Variants in PYGM observed in about 807,000 individuals in gnomAD.
PYGM encodes the protein glycogen phosphorylase, muscle form.
In PYGM, 81 loss-of-function variants were observed where a neutral mutation model predicts 99.3. The ratio of observed to expected loss-of-function variants is 0.82; its 90% CI spans 0.68 to 0.98. PYGM has a LOEUF of 0.98. Ranked by LOEUF, PYGM falls within the 50% of genes least tolerant of loss-of-function variation. The probability of loss-of-function intolerance (pLI) is 0.00; values close to 1 mark genes in which losing one functional copy is unlikely to be tolerated. For synonymous variants in PYGM, 436 were observed against 451.5 expected (o/e 0.97, Z 0.44); for missense variants, 1,030 against 1,158.1 (o/e 0.89, Z 1.61).
rs768705275 is a variant in PYGM at position 64,751,566 on chromosome 11, G to A, written c.1827+31C>T. On this transcript the variant is annotated intron_variant, in intron 15 of 19. Transcript: ENST00000164139. Reference sequence around the variant, plus strand: ...CCTCAACCTGGATATATCAAAGGACGGGAGCCCAGGGCTGGAGCCTGGCTT... The same window carrying A: ...CCTCAACCTGGATATATCAAAGGACAGGAGCCCAGGGCTGGAGCCTGGCTT... 4.4e-5 allele frequency: 71 copies of A among 1,613,886 alleles called. 2 individuals are homozygous for A. In the Middle Eastern group the frequency reaches 4.9e-4, roughly 11 times the overall value.
intron 17 of PYGM, chr11:64,748,425 C>T (rs550545): frequency 2.0e-5 from 3 of 152,178 alleles, no homozygotes; most frequent in Non-Finnish European, 4.4e-5. Context: ...TTAATGCCAA[C>T]TCTGGGAAGC....
At position 64,754,654 on chromosome 11, in the gene PYGM, A is replaced by G; in HGVS notation, c.999+39T>C. 4 of 1,610,060 alleles carry G rather than the reference A, an allele frequency of 2.5e-6. No individual in the cohort carries two copies. The highest frequency in any genetic ancestry group is 3.4e-6 in the Non-Finnish European group (4 of 1,178,764). On this transcript the variant is annotated intron_variant, in intron 8 of 19. Coordinates refer to ENST00000164139, the MANE Select transcript of PYGM (RefSeq NM_005609.4). This position sits in a 1 kb window ranked among gnomAD's most constrained non-coding sequence, Gnocchi z 5.5. The stretch of plus-strand genomic sequence containing the variant: ...GGCTGGAGGGAGAGGCCTAGCACAC[A>G]CTGTCCGGTCACAGAGTCGCCCTCC...
At position 64,755,161 on chromosome 11, in the gene PYGM, G is replaced by T; in HGVS notation, c.855+112C>A. The T allele has an allele frequency of 2.4e-6, 3 of 1,250,420 alleles. No homozygotes were observed. The highest frequency in any genetic ancestry group is 1.8e-5 in the Admixed American group (1 of 56,448). 77.5% of individuals were successfully genotyped at this position (1,250,420 alleles called of 1,614,324 possible). A position where few individuals can be genotyped will look rare whatever the true frequency, so the allele number is the denominator to read the frequency against. ...TGGGGGCACAGGATGCACAAGGCCA[G>T]CAATATGCCCTGGGTGTGACTAGGG... is the stretch of plus-strand genomic sequence containing the variant. On this transcript the variant is annotated intron_variant, in intron 7 of 19. Coordinates refer to ENST00000164139, the MANE Select transcript of PYGM (RefSeq NM_005609.4). The surrounding 1 kb of genome is among the most constrained non-coding windows in gnomAD (Gnocchi z 4.1).
At position 64,753,552 on chromosome 11, in the gene PYGM, G is replaced by A; in HGVS notation, c.1370C>T (p.Ala457Val). ...CTTGAGGATCTCGGAGTGGATGCGC[G>A]CCACGCCGTTGACGGCGTGCGACCC... ...IAGSHAVNGV[A>V]RIHSEILKKT... Residue 457 changes from alanine (A) to valine (V), a missense_variant, in exon 11 of 20, where the codon GCG (alanine) becomes GTG (valine). Coordinates refer to ENST00000164139, the MANE Select transcript of PYGM (RefSeq NM_005609.4). The A allele has an allele frequency of 1.3e-6, 2 of 1,598,710 alleles. No individual in the cohort carries two copies. The highest frequency in any genetic ancestry group is 1.7e-6 in the Non-Finnish European group (2 of 1,175,850).
At chr11:64,753,822 G>GC in intron 10 of PYGM, 57 bp downstream of exon 10, 1 of 1,548,162 alleles carries the variant, frequency 6.5e-7, no homozygotes, top group Admixed American at 2.0e-5. Context: ...CGACTCCCAG[G>GC]CCCAGACTGG....
rs1384897956 is a variant in PYGM, at chr11:64,751,670, G to C, written c.1769-15C>G. The C allele has an allele frequency of 1.9e-6, 3 of 1,613,828 alleles. No individual in the cohort carries two copies. In the African/African-American group the frequency reaches 4.0e-5, roughly 22 times the overall value. On this transcript the variant is annotated splice_polypyrimidine_tract_variant and intron_variant, in intron 14 of 19. Transcript: ENST00000164139. Reference sequence around the variant, plus strand: ...CCTCTTGATGCCTGTGGAGAAACGAGAGGGATCCAGTGGGCCTACCTTTCC... The same window carrying C: ...CCTCTTGATGCCTGTGGAGAAACGACAGGGATCCAGTGGGCCTACCTTTCC...
At position 64,754,252 on chromosome 11, in the gene PYGM, C is replaced by T. The variant is rs749560316; in HGVS notation, c.1092+1G>A. On this transcript the variant is annotated splice_donor_variant, in intron 9 of 19. Coordinates refer to ENST00000164139, the MANE Select transcript of PYGM (RefSeq NM_005609.4). LOFTEE classifies it high-confidence loss of function. This position sits in a 1 kb window ranked among gnomAD's most constrained non-coding sequence, Gnocchi z 5.5. ...TGGGGCAGAGGGGCCCTGAAGCCCA[C>T]CTTGTCCCAGTCCATCCGTTCCAGG... The T allele has an allele frequency of 4.3e-6, 7 of 1,612,212 alleles. No homozygotes were observed. The highest frequency in any genetic ancestry group is 5.9e-6 in the Non-Finnish European group (7 of 1,178,612).
chr11:64,750,373 TAC>T lies in PYGM; in HGVS notation c.2177+1_2177+2del. 1 of 1,613,904 alleles carries T rather than the reference TAC, an allele frequency of 6.2e-7. No homozygotes were observed. Among genetic ancestry groups the T allele is most frequent in the East Asian group, 2.2e-5 (1 of 44,858 alleles). ...TTTTGCCCGTGAACCCTGACCCCCA[TAC>T]CCTCTTTGGTCAAGCTTATCCACAT... On this transcript the variant is annotated splice_donor_variant, in intron 17 of 19. Coordinates refer to ENST00000164139, the MANE Select transcript of PYGM (RefSeq NM_005609.4). LOFTEE classifies it high-confidence loss of function.
rs1388586019 is a variant in PYGM at position 64,759,858 on chromosome 11, A to G, written c.41T>C (p.Ile14Thr). The change falls in exon 1 of 20, where the codon ATC becomes ACC. Residue 14 changes from isoleucine to threonine, a missense_variant. Ile to Thr is a moderately conservative substitution (Grantham distance 89). Transcript: ENST00000164139. ...CACGCCGGCCAGGCCACGCACACTG[A>G]TTTGCTTTCTTTTCTCTTGGTCTGA... Reference protein sequence around the residue: ...PLSDQEKRKQISVRGLAGVEN... With the variant: ...PLSDQEKRKQTSVRGLAGVEN... The G allele has an allele frequency of 2.5e-6, 4 of 1,614,000 alleles. No homozygotes were observed. Among genetic ancestry groups the G allele is most frequent in the Non-Finnish European group, 3.4e-6 (4 of 1,180,034 alleles).
At position 64,758,456 on chromosome 11, in the gene PYGM, C is replaced by G; in HGVS notation, c.405G>C (p.Gly135=). The G allele has an allele frequency of 6.2e-7, 1 of 1,614,044 alleles. No individual in the cohort carries two copies. Among genetic ancestry groups the G allele is most frequent in the Non-Finnish European group, 8.5e-7 (1 of 1,180,026 alleles). ...EIEEDAGLGN[G]GLGRLAACFL... ...TCTTACCTGCCAGCCGGCCCAGGCCCCCGTTGCCCAGCCCCGCATCCTCCT... is the reference window on the plus strand; with the variant it reads ...TCTTACCTGCCAGCCGGCCCAGGCCGCCGTTGCCCAGCCCCGCATCCTCCT... The change falls in exon 3 of 20, where the codon GGG becomes GGC. Residue 135 remains glycine (G), a synonymous_variant. Coordinates refer to ENST00000164139, the MANE Select transcript of PYGM (RefSeq NM_005609.4).
Position 64,746,627 on chromosome 11 carries a change from T to A in PYGM, c.*32A>T. On this transcript the variant is annotated 3_prime_UTR_variant, in exon 20 of 20. Coordinates refer to ENST00000164139, the MANE Select transcript of PYGM (RefSeq NM_005609.4). The stretch of plus-strand genomic sequence containing the variant: ...GCTGGCCCAAGAGAGTGTGACAGAC[T>A]CAAGGGCTGGTTTGGGGTCTGGTCT... 6.2e-7 allele frequency: 1 copy of A among 1,613,654 alleles called. No homozygotes were observed. Among genetic ancestry groups the A allele is most frequent in the Non-Finnish European group, 8.5e-7 (1 of 1,179,922 alleles).
intron 18 of PYGM, 70 bp from the exon 19 acceptor site, chr11:64,747,057 C>CA: frequency 6.3e-7 from 1 of 1,584,642 alleles, no homozygotes; most frequent in Non-Finnish European, 8.7e-7. Flanking sequence ...GGTCAAGGGC[C>CA]AAGCCTGCCC....
At chr11:64,752,731 G>A (rs968785507) in intron 12 of PYGM, among the ~76,000 whole-genome samples, 2 of 152,176 alleles carry the variant, frequency 1.3e-5, no homozygotes, top group African/African-American at 2.4e-5. Flanking sequence ...ACCCCAGCAG[G>A]CCTTCCTGGC....
intron 12 of PYGM, 76 bp from the exon 13 acceptor site, chr11:64,752,580 G>C: frequency 7.0e-7 from 1 of 1,429,872 alleles, no homozygotes; most frequent in Non-Finnish European, 9.7e-7. Context: ...CCATTTCCAG[G>C]TCAGCCAAGC....
chr11:64,754,593 C>T lies in PYGM; in HGVS notation c.999+100G>A, dbSNP rs908923120. 2.1e-5 allele frequency: 32 copies of T among 1,492,098 alleles called. No individual in the cohort carries two copies. The highest frequency in any genetic ancestry group is 2.3e-4 in the Middle Eastern group (1 of 4,352). 92.4% of individuals were successfully genotyped at this position (1,492,098 alleles called of 1,614,324 possible). Reference sequence around the variant, plus strand: ...CTGACCCTCCCACACTCCCAGTCTCCACTCCCTTATCTATTACATGGGGCA... The same window carrying T: ...CTGACCCTCCCACACTCCCAGTCTCTACTCCCTTATCTATTACATGGGGCA... On this transcript the variant is annotated intron_variant, in intron 8 of 19. Coordinates refer to ENST00000164139, the MANE Select transcript of PYGM (RefSeq NM_005609.4). The surrounding 1 kb of genome is among the most constrained non-coding windows in gnomAD (Gnocchi z 5.5).
chr11:64,752,223 A>G, intron 13 of PYGM, 152 bp from the exon 14 acceptor site: 1 of 1,340,810 alleles, frequency 7.5e-7, no homozygotes, highest in Non-Finnish European at 1.1e-6. Context: ...TTGCTAATCA[A>G]TGTCAGCACT....
rs1324009345 is a variant in PYGM, at chr11:64,750,487, G to A, written c.2066C>T (p.Thr689Ile). The change falls in exon 17 of 20, where the codon ACC becomes ATC. Residue 689 changes from threonine to isoleucine, a missense_variant. Coordinates refer to ENST00000164139, the MANE Select transcript of PYGM (RefSeq NM_005609.4). ...ATTGGCCCCGTCCATGGTGCCAATG[G>A]TCAGAGCCCCGTTGAGCATGAACTT... ...NMKFMLNGALTIGTMDGANVE... is the reference protein window; with the variant it reads ...NMKFMLNGALIIGTMDGANVE... 2.5e-6 allele frequency: 4 copies of A among 1,614,100 alleles called. No individual in the cohort carries two copies. In the African/African-American group the frequency reaches 4.0e-5, roughly 16 times the overall value.
chr11:64,748,762 G>A (rs777389120), intron 17 of PYGM: 1 of 152,182 alleles, frequency 6.6e-6, no homozygotes, highest in Non-Finnish European at 1.5e-5. Flanking sequence ...AAGATATCAG[G>A]ATTCAAGCAG....
rs906226135 is a variant in PYGM at position 64,754,085 on chromosome 11, C to T, written c.1093-60G>A. 6.9e-6 allele frequency: 11 copies of T among 1,601,516 alleles called. No individual in the cohort carries two copies. The highest frequency in any genetic ancestry group is 9.4e-6 in the Non-Finnish European group (11 of 1,173,974). On this transcript the variant is annotated intron_variant, in intron 9 of 19. Transcript: ENST00000164139. The surrounding 1 kb of genome is among the most constrained non-coding windows in gnomAD (Gnocchi z 5.5). ...TCAGCCCAGTGGGTCTCCTCACACACTACGCATCCCAGTGGGCCCCCCCAC... is the reference window on the plus strand; with the variant it reads ...TCAGCCCAGTGGGTCTCCTCACACATTACGCATCCCAGTGGGCCCCCCCAC...
Sources: gnomAD v4.1 joint callset for allele counts (sites outside exome capture counted in the v4.1 genomes callset) on GRCh38, gnomAD v4.1.1 for gene constraint, Gnocchi (gnomAD v3.1) non-coding constraint, MANE v1.5 for transcripts, NCBI Gene and HGNC (gene_info 2026-07-23, HGNC 2026-07-21) for gene names.